The following FHAD1 variants were observed in gnomAD, a reference collection of about 807,000 sequenced individuals.
FHAD1 encodes the protein forkhead-associated domain-containing protein 1.
Under a neutral mutation model 191.3 loss-of-function variants are expected in FHAD1, and 146 were observed. The ratio of observed to expected loss-of-function variants is 0.76; its 90% CI spans 0.67 to 0.88. The LOEUF is 0.88. Among genes scored for constraint, FHAD1 ranks in the 40% least tolerant of loss-of-function variants. FHAD1 has a pLI of 0.00. For missense variants in FHAD1, 1,635 were observed against 1,785.8 expected, an observed-to-expected ratio of 0.92 and a Z score of 1.52; for synonymous variants, 616 against 672.3, an observed-to-expected ratio of 0.92 and a Z score of 1.29.
intron 3 of FHAD1, among the ~76,000 whole-genome samples, chr1:15,279,554 C>CAAAAAAAAAA (rs57662759): frequency 1.0e-5 from 1 of 96,878 alleles, no homozygotes; most frequent in Admixed American, 1.3e-4. Context: ...CCTTAAAACT[C>CAAAAAAAAAA]AAAAAAAAAA....
At chr1:15,320,503 A>C (rs1675898720) in intron 10 of FHAD1, among the ~76,000 whole-genome samples, 1 of 152,032 alleles carries the variant, frequency 6.6e-6, no homozygotes, top group African/African-American at 2.4e-5. Flanking sequence ...TAATATTGTC[A>C]ATCTTTGCTT....
chr1:15,269,175 CT>C (rs1318000175), intron 2 of FHAD1, among the ~76,000 whole-genome samples: 6 of 152,010 alleles, frequency 3.9e-5, no homozygotes, highest in Non-Finnish European at 7.4e-5. Context: ...CATTTCTGAT[CT>C]AATATTTCTT....
intron 25 of FHAD1, among the ~76,000 whole-genome samples, chr1:15,368,751 C>T (rs773375125): frequency 6.6e-6 from 1 of 152,074 alleles, no homozygotes; most frequent in Admixed American, 6.6e-5. Context: ...ACTAGCCTGG[C>T]CAACATATAG....
intron 32 of FHAD1, among the ~76,000 whole-genome samples, chr1:15,388,873 T>A (rs115171806): frequency 3.1e-3 from 477 of 152,272 alleles, no homozygotes; most frequent in African/African-American, 0.01. Context: ...TGGGGTGACA[T>A]GGGCTGAGCC....
chr1:15,391,977 T>C (rs937508814), intron 33 of FHAD1, among the ~76,000 whole-genome samples: 3 of 152,198 alleles, frequency 2.0e-5, no homozygotes, highest in South Asian at 2.1e-4. Flanking sequence ...CTGCCAGTTA[T>C]TGGCTGAGAA....
chr1:15,332,712 G>T (rs35333415), intron 14 of FHAD1, among the ~76,000 whole-genome samples: 1 of 152,134 alleles, frequency 6.6e-6, no homozygotes, highest in East Asian at 1.9e-4. Flanking sequence ...GTGAGACCTT[G>T]TCTAAAAATA....
chr1:15,262,254 G>C (rs572545210), intron 2 of FHAD1, among the ~76,000 whole-genome samples: 2 of 152,224 alleles, frequency 1.3e-5, no homozygotes, highest in South Asian at 2.1e-4. Flanking sequence ...ATCCTTCTGC[G>C]CATAATAGTG....
intron 6 of FHAD1, among the ~76,000 whole-genome samples, chr1:15,307,625 G>T (rs1461471543): frequency 6.6e-6 from 1 of 152,156 alleles, no homozygotes; most frequent in Admixed American, 6.5e-5. Context: ...GATCTGATGG[G>T]TTTATCAGGG....
chr1:15,391,667 T>C (rs544418646), intron 33 of FHAD1, among the ~76,000 whole-genome samples: 1 of 152,364 alleles, frequency 6.6e-6, no homozygotes, highest in East Asian at 1.9e-4. Flanking sequence ...AAGAAAGGCT[T>C]ATTTAACAAG....
upstream of FHAD1, among the ~76,000 whole-genome samples, chr1:15,245,304 G>GTGCTTTTGTTGTTCTTATTTTTATT: frequency 6.6e-6 from 1 of 152,274 alleles, no homozygotes; most frequent in South Asian, 2.1e-4. Flanking sequence ...TTGTTTGGAT[G>GTGCTTTTGTTGTTCTTATTTTTATT]TGCTTTTGTT....
At chr1:15,253,244 G>T (rs1041612229) in intron 2 of FHAD1, among the ~76,000 whole-genome samples, 12 of 151,828 alleles carry the variant, frequency 7.9e-5, no homozygotes, top group African/African-American at 2.9e-4. Flanking sequence ...TAGATCACAT[G>T]TGTATTCATA....
chr1:15,345,386 A>G, intron 17 of FHAD1, 30 bp from the exon 18 acceptor site: 1 of 1,540,276 alleles, frequency 6.5e-7, no homozygotes, highest in Non-Finnish European at 8.8e-7. Context: ...CATGGTAACC[A>G]TGTCTATTGA....
intron 7 of FHAD1, 81 bp downstream of exon 7, chr1:15,308,817 A>G (rs1231226905): frequency 8.9e-5 from 136 of 1,534,260 alleles, no homozygotes; most frequent in Non-Finnish European, 1.1e-4. Flanking sequence ...CCAATCAACC[A>G]CATACTTTTT....
intron 2 of FHAD1, among the ~76,000 whole-genome samples, chr1:15,259,785 T>G (rs1650138627): frequency 6.6e-6 from 1 of 152,014 alleles, no homozygotes; most frequent in Non-Finnish European, 1.5e-5. Context: ...CTGTCTCAGG[T>G]GTCGGGGACA....
chr1:15,377,079 G>A (rs571845152), intron 28 of FHAD1, among the ~76,000 whole-genome samples: 1 of 152,272 alleles, frequency 6.6e-6, no homozygotes, highest in Non-Finnish European at 1.5e-5. Flanking sequence ...ACCCTAAATG[G>A]ATGTTTGGGC....
intron 28 of FHAD1, among the ~76,000 whole-genome samples, 187 bp from the exon 29 acceptor site, chr1:15,380,514 C>T (rs980378951): frequency 6.6e-6 from 1 of 152,184 alleles, no homozygotes. Flanking sequence ...CAGAGTCATT[C>T]TCTGAAGGGT....
chr1:15,373,143 T>G (rs1171782912), intron 26 of FHAD1, among the ~76,000 whole-genome samples: 1 of 152,192 alleles, frequency 6.6e-6, no homozygotes, highest in Non-Finnish European at 1.5e-5. Context: ...CAAATATTTG[T>G]GTCGATGTGA....
chr1:15,317,204 G>A (rs1674738348), intron 9 of FHAD1, among the ~76,000 whole-genome samples: 1 of 152,006 alleles, frequency 6.6e-6, no homozygotes, highest in Admixed American at 6.6e-5. Flanking sequence ...AAAAGAAAAA[G>A]TTATTTGCCT....
chr1:15,385,601 A>G (rs576992305), intron 31 of FHAD1, among the ~76,000 whole-genome samples: 2 of 151,774 alleles, frequency 1.3e-5, no homozygotes, highest in East Asian at 3.9e-4. Flanking sequence ...GCAAGACACC[A>G]CCTCTAAAAA....
Sources: allele counts gnomAD v4.1 joint callset (sites outside exome capture counted in the v4.1 genomes callset), GRCh38; gene constraint gnomAD v4.1.1; transcripts MANE v1.5; gene names NCBI Gene and HGNC (gene_info 2026-07-23, HGNC 2026-07-21).